Variants in SMOC1 observed in about 807,000 individuals in gnomAD.
SMOC1 encodes the protein SPARC related modular calcium binding 1.
Under a neutral mutation model 56.3 loss-of-function variants are expected in SMOC1, and 22 were observed. The observed-to-expected ratio is 0.39, with a 90% CI of 0.28 to 0.56. The LOEUF (loss-of-function observed/expected upper bound fraction) is 0.56. Ranked by LOEUF, SMOC1 falls within the 20% of genes least tolerant of loss-of-function variation. The pLI is 0.61. For synonymous variants in SMOC1, 193 were observed against 215.0 expected, an observed-to-expected ratio of 0.90 and a Z score of 0.89; for missense variants, 509 against 565.4, an observed-to-expected ratio of 0.90 and a Z score of 1.01.
chr14:69,977,875 T>C (rs1884025787), intron 4 of SMOC1, 43 bp from the exon 5 acceptor site: 3 of 1,575,728 alleles, frequency 1.9e-6, no homozygotes, highest in African/African-American at 2.7e-5. Flanking sequence ...CCAACCACAA[T>C]GCATTCTGAG....
chr14:69,979,152 A>G (rs1884085524), intron 5 of SMOC1, among the ~76,000 whole-genome samples: 1 of 152,046 alleles, frequency 6.6e-6, no homozygotes, highest in Non-Finnish European at 1.5e-5. Context: ...TGTCCTGCAC[A>G]CACAGTTGCA....
rs144316283 is a variant in SMOC1 at position 69,972,412 on chromosome 14, G to A, written c.379-3303G>A. ...GTCTTCTGTGCCACCCTTTGCCCAT[G>A]GCTGTCCCCACACCTGCGGCACACC... On this transcript the variant is annotated intron_variant, in intron 3 of 11. Transcript: ENST00000361956. 3.8e-3 allele frequency among the ~76,000 whole-genome samples: 573 copies of A among 152,238 alleles called. 6 individuals are homozygous for A. Among genetic ancestry groups the A allele is most frequent in the African/African-American group, 0.013 (548 of 41,498 alleles).
intron 3 of SMOC1, among the ~76,000 whole-genome samples, chr14:69,965,727 G>A (rs944905927): frequency 1.1e-4 from 17 of 152,102 alleles, no homozygotes; most frequent in African/African-American, 3.6e-4. Context: ...CTCTGAGGAG[G>A]AAAACACCAC....
In SMOC1 at chr14:69,944,120, C is replaced by T. The variant is rs568961279; in HGVS notation, c.100-8018C>T. On this transcript the variant is annotated intron_variant, in intron 1 of 11. Transcript: ENST00000361956. ...ACTGGGGATGCAGCAGTGTCACACC[C>T]AGATCTTGGTTTCTGCCCTCAGGGA... Among the ~76,000 whole-genome samples the T allele has an allele frequency of 1.7e-4, 26 of 152,332 alleles. No individual in the cohort carries two copies. The East Asian group carries it at 2.1e-3, about 12-fold the overall frequency.
chr14:69,912,229 A>T (rs954643604), intron 1 of SMOC1, among the ~76,000 whole-genome samples: 1 of 152,142 alleles, frequency 6.6e-6, no homozygotes, highest in Admixed American at 6.5e-5. Flanking sequence ...CAGATGCTCA[A>T]CCATAGATGA....
intron 6 of SMOC1, among the ~76,000 whole-genome samples, chr14:69,993,304 C>T (rs996713662): frequency 1.5e-4 from 23 of 151,978 alleles, no homozygotes; most frequent in Non-Finnish European, 2.5e-4. Context: ...GATAGGAGTG[C>T]GGGGTGCAGG....
At chr14:69,886,162 G>A (rs1594785940) in intron 1 of SMOC1, 2 of 1,209,110 alleles carry the variant, frequency 1.7e-6, no homozygotes, top group Non-Finnish European at 2.4e-6. Flanking sequence ...GGAGGAGAGA[G>A]CTCCTTTGAA....
intron 7 of SMOC1, among the ~76,000 whole-genome samples, chr14:70,000,388 G>C (rs560020500): frequency 6.6e-6 from 1 of 152,284 alleles, no homozygotes; most frequent in Non-Finnish European, 1.5e-5. Flanking sequence ...TACAGAGACT[G>C]TCAGGTTAAA....
At chr14:69,991,896 A>G (rs1884580217) in intron 5 of SMOC1, among the ~76,000 whole-genome samples, 1 of 152,170 alleles carries the variant, frequency 6.6e-6, no homozygotes, top group Admixed American at 6.5e-5. Flanking sequence ...GTGGAGAAAC[A>G]GTGAGGAGAT....
In SMOC1 at chr14:69,879,685, C is replaced by T. The variant is rs1441370696; in HGVS notation, c.7C>T (p.Pro3Ser). 3 of 1,563,164 alleles carry T rather than the reference C, an allele frequency of 1.9e-6. No homozygotes were observed. The highest frequency in any genetic ancestry group is 2.6e-6 in the Non-Finnish European group (3 of 1,164,252). The change falls in exon 1 of 12, where the codon CCC becomes TCC. Residue 3 changes from proline (P) to serine (S), a missense_variant. Coordinates refer to ENST00000361956, the MANE Select transcript of SMOC1 (RefSeq NM_001034852.3). ML[P>S]ARCARLLTPH... The stretch of plus-strand genomic sequence containing the variant: ...GCCCAGCCTGGCTGGCACCATGCTG[C>T]CCGCGCGCTGCGCCCGCCTGCTCAC...
At chr14:69,987,262 C>T (rs1481296810) in intron 5 of SMOC1, among the ~76,000 whole-genome samples, 1 of 152,202 alleles carries the variant, frequency 6.6e-6, no homozygotes, top group East Asian at 1.9e-4. Context: ...GAGGGAGGGT[C>T]ACCAGTGATG....
In SMOC1 at chr14:69,879,469, G is replaced by T. The variant is rs1028144792; in HGVS notation, c.-210G>T. On this transcript the variant is annotated 5_prime_UTR_variant, in exon 1 of 12. Transcript: ENST00000361956. Reference sequence around the variant, plus strand: ...CCGCCGAGCGGAGCTAGCGCCGCGCGCAGAGCACACGCTCGCGCTCCAGCT... The same window carrying T: ...CCGCCGAGCGGAGCTAGCGCCGCGCTCAGAGCACACGCTCGCGCTCCAGCT... 2.5e-5 allele frequency: 10 copies of T among 405,850 alleles called. No individual in the cohort carries two copies. The highest frequency in any genetic ancestry group is 4.6e-5 in the Admixed American group (1 of 21,640). The allele number at this position is 405,850 out of a possible 1,614,324, so 25.1% of individuals were successfully genotyped here. A position where few individuals can be genotyped will look rare whatever the true frequency, so the allele number is the denominator to read the frequency against.
At chr14:69,952,393 A>C (rs1200239081) in intron 2 of SMOC1, 90 bp downstream of exon 2, 2 of 1,495,040 alleles carry the variant, frequency 1.3e-6, no homozygotes, top group Admixed American at 1.7e-5. Flanking sequence ...AGCTTGGAGT[A>C]AGTCTGTCCA....
intron 5 of SMOC1, among the ~76,000 whole-genome samples, chr14:69,990,531 C>G (rs1031071495): frequency 4.6e-5 from 7 of 152,188 alleles, no homozygotes; most frequent in Non-Finnish European, 1.0e-4. Context: ...CTGGCAGGCA[C>G]AACCAAATGT....
chr14:69,989,881 C>T lies in SMOC1; in HGVS notation c.527-2536C>T, dbSNP rs375319656. 3.9e-5 allele frequency among the ~76,000 whole-genome samples: 6 copies of T among 152,170 alleles called. No homozygotes were observed. The East Asian group carries it at 9.6e-4, about 24-fold the overall frequency. On this transcript the variant is annotated intron_variant, in intron 5 of 11. Transcript: ENST00000361956. ...GTCAGAAGCCAGGAGCCCAGGTGCCCGGAGATGATGGTTAGAGGGTGCTGT... is the reference window on the plus strand; with the variant it reads ...GTCAGAAGCCAGGAGCCCAGGTGCCTGGAGATGATGGTTAGAGGGTGCTGT...
At chr14:69,903,425 C>A (rs1338796735) in intron 1 of SMOC1, among the ~76,000 whole-genome samples, 2 of 152,144 alleles carry the variant, frequency 1.3e-5, no homozygotes, top group African/African-American at 2.4e-5. Context: ...TCATTGAGAA[C>A]GGGCCATGAT....
At chr14:69,911,090 G>T (rs1306688344) in intron 1 of SMOC1, among the ~76,000 whole-genome samples, 2 of 152,214 alleles carry the variant, frequency 1.3e-5, no homozygotes, top group African/African-American at 4.8e-5. Context: ...TGTTTATGCA[G>T]TGGCCTGTAT....
intron 1 of SMOC1, among the ~76,000 whole-genome samples, chr14:69,917,591 A>G (rs1240242152): frequency 2.6e-5 from 4 of 152,266 alleles, no homozygotes; most frequent in Non-Finnish European, 5.9e-5. Flanking sequence ...AACACAAGAC[A>G]GTGTGTGTGC....
chr14:69,964,916 T>G (rs563381171), intron 3 of SMOC1, among the ~76,000 whole-genome samples: 3 of 152,234 alleles, frequency 2.0e-5, no homozygotes, highest in Admixed American at 2.0e-4. Flanking sequence ...GAGTTCTTGA[T>G]CCTAACCATG....
Sources: allele counts gnomAD v4.1 joint callset (sites outside exome capture counted in the v4.1 genomes callset), GRCh38; gene constraint gnomAD v4.1.1; transcripts MANE v1.5; gene names NCBI Gene and HGNC (gene_info 2026-07-23, HGNC 2026-07-21).